Variants in RMDN2 observed in about 807,000 individuals in gnomAD.
RMDN2 encodes regulator of microtubule dynamics 2.
RMDN2 carries 61 observed loss-of-function variants against 52.8 expected under a neutral mutation model. The ratio of observed to expected loss-of-function variants is 1.16; its 90% CI spans 0.94 to 1.43. The LOEUF (loss-of-function observed/expected upper bound fraction) is 1.43. Ranked by LOEUF, RMDN2 falls within the 40% of genes most tolerant of loss-of-function variation. RMDN2 has a pLI of 0.00. For missense variants in RMDN2, 592 were observed against 475.3 expected (o/e 1.25, Z -2.28); for synonymous variants, 180 against 153.1 (o/e 1.18, Z -1.30).
intron 10 of RMDN2, among the ~76,000 whole-genome samples, chr2:38,062,373 T>A (rs1353195646): frequency 6.6e-6 from 1 of 152,236 alleles, no homozygotes; most frequent in Non-Finnish European, 1.5e-5. Context: ...TCCCTTGAGA[T>A]TCATTCAAGT....
intron 10 of RMDN2, among the ~76,000 whole-genome samples, chr2:38,050,998 G>A (rs925858628): frequency 6.6e-6 from 1 of 152,124 alleles, no homozygotes; most frequent in African/African-American, 2.4e-5. Context: ...CCCAACCTCA[G>A]GTGATCCGCC....
At chr2:37,985,927 G>A (rs762513426) in intron 5 of RMDN2, among the ~76,000 whole-genome samples, 2 of 152,034 alleles carry the variant, frequency 1.3e-5, no homozygotes, top group South Asian at 2.1e-4. Flanking sequence ...TATCAATATT[G>A]TATATCAATA....
At chr2:37,952,794 A>G (rs1263941974) in intron 2 of RMDN2, 1 of 152,186 alleles carries the variant, frequency 6.6e-6, no homozygotes, top group Non-Finnish European at 1.5e-5. Context: ...AGATATTTTA[A>G]CTAAGTAATT....
At chr2:38,018,965 A>AC (rs1395100600), downstream of RMDN2, among the ~76,000 whole-genome samples, 1 of 152,066 alleles carries the variant, frequency 6.6e-6, no homozygotes, top group African/African-American at 2.4e-5. Flanking sequence ...AAATTAAGCA[A>AC]CCCCCTAGCC....
intron 10 of RMDN2, among the ~76,000 whole-genome samples, chr2:38,031,441 C>T (rs999828885): frequency 1.3e-5 from 2 of 151,674 alleles, no homozygotes; most frequent in African/African-American, 2.4e-5. Context: ...TCCCAGCCTC[C>T]CCCACCAGTG....
Position 37,967,060 on chromosome 2 carries a change from G to A in RMDN2, c.453-6980G>A, listed in dbSNP as rs76357284. On this transcript the variant is annotated intron_variant, in intron 2 of 10. Coordinates refer to ENST00000354545, the MANE Select transcript of RMDN2 (RefSeq NM_001170791.3). ...CCGAAAGAAATAAGCCAAATGGAGA[G>A]CTCATTTTAAGAAGGGATGAGGTGA... Among the ~76,000 whole-genome samples, 139 of 152,184 alleles carry A rather than the reference G, an allele frequency of 9.1e-4. 2 individuals are homozygous for A. In the East Asian group the frequency reaches 0.023, roughly 25 times the overall value.
intron 2 of RMDN2, among the ~76,000 whole-genome samples, chr2:37,932,141 T>G (rs536384162): frequency 6.6e-6 from 1 of 151,804 alleles, no homozygotes; most frequent in Non-Finnish European, 1.5e-5. Flanking sequence ...AGGACAGTAG[T>G]GGAGGGAAGG....
intron 7 of RMDN2, among the ~76,000 whole-genome samples, chr2:37,996,943 G>A (rs1338660253): frequency 6.6e-6 from 1 of 152,128 alleles, no homozygotes; most frequent in African/African-American, 2.4e-5. Context: ...ACATATCTGA[G>A]ATGCTACCTC....
chr2:37,980,357 G>A (rs1673140204), intron 4 of RMDN2, among the ~76,000 whole-genome samples: 1 of 152,106 alleles, frequency 6.6e-6, no homozygotes, highest in Non-Finnish European at 1.5e-5. Flanking sequence ...AGGCTGGAGT[G>A]CAATGGCGCA....
In RMDN2 at chr2:38,051,454, G is replaced by C. The variant is rs564446490; in HGVS notation, c.1714-15528G>C. Among the ~76,000 whole-genome samples, 3 of 152,170 alleles carry C rather than the reference G, an allele frequency of 2.0e-5. No individual in the cohort carries two copies. In the South Asian group the frequency reaches 6.2e-4, roughly 32 times the overall value. Reference sequence around the variant, plus strand: ...ATTTATGGGGTACATGTGATATTCTGACACATATAAAATATGTAATGATCA... The same window carrying C: ...ATTTATGGGGTACATGTGATATTCTCACACATATAAAATATGTAATGATCA... On this transcript the variant is annotated intron_variant, in intron 10 of 10. Coordinates refer to the RMDN2 transcript ENST00000234195.
intron 10 of RMDN2, among the ~76,000 whole-genome samples, chr2:38,006,040 C>G (rs1347611487): frequency 6.6e-6 from 1 of 152,128 alleles, no homozygotes; most frequent in Non-Finnish European, 1.5e-5. Flanking sequence ...TCTGAGGGCT[C>G]TGTTCTGTTC....
chr2:37,951,289 C>T (rs1317143544), intron 2 of RMDN2: 3 of 1,611,516 alleles, frequency 1.9e-6, no homozygotes, highest in Admixed American at 1.7e-5. Context: ...CAAGTTAGTA[C>T]AGACGCCCAG....
chr2:37,999,124 A>T (rs1675967673), intron 8 of RMDN2, among the ~76,000 whole-genome samples: 1 of 152,210 alleles, frequency 6.6e-6, no homozygotes, highest in African/African-American at 2.4e-5. Flanking sequence ...TTGAGATGCT[A>T]ATGTGCCTGA....
intron 2 of RMDN2, among the ~76,000 whole-genome samples, chr2:37,947,942 T>C (rs911783119): frequency 1.3e-5 from 2 of 152,174 alleles, no homozygotes; most frequent in African/African-American, 4.8e-5. Flanking sequence ...GTCATCTAGG[T>C]ACCAGGAGGG....
downstream of RMDN2, among the ~76,000 whole-genome samples, chr2:38,022,158 A>G (rs911860024): frequency 6.6e-6 from 1 of 152,242 alleles, no homozygotes; most frequent in Admixed American, 6.5e-5. Flanking sequence ...TACTGTGTAG[A>G]TAAAGATGAG....
chr2:37,985,623 TC>T (rs749968411), intron 5 of RMDN2, among the ~76,000 whole-genome samples: 1 of 152,144 alleles, frequency 6.6e-6, no homozygotes, highest in Non-Finnish European at 1.5e-5. Flanking sequence ...CCCAGTGTGT[TC>T]AGTAATTTTG....
intron 4 of RMDN2, among the ~76,000 whole-genome samples, chr2:37,975,715 A>G (rs1424758557): frequency 1.3e-5 from 2 of 152,224 alleles, no homozygotes; most frequent in Non-Finnish European, 1.5e-5. Context: ...AAAAAGATCT[A>G]TAGTAAATCA....
upstream of RMDN2, among the ~76,000 whole-genome samples, chr2:37,921,356 G>A (rs1666027254): frequency 6.6e-6 from 1 of 152,086 alleles, no homozygotes; most frequent in African/African-American, 2.4e-5. Context: ...ATTTTCCTGT[G>A]TTCTAGAGAC....
At chr2:38,009,474 T>C (rs1454382228) in intron 10 of RMDN2, among the ~76,000 whole-genome samples, 1 of 152,238 alleles carries the variant, frequency 6.6e-6, no homozygotes, top group Non-Finnish European at 1.5e-5. Context: ...TTTCCATCAC[T>C]GATACCCTTT....
Sources: allele counts gnomAD v4.1 joint callset (sites outside exome capture counted in the v4.1 genomes callset), GRCh38; gene constraint gnomAD v4.1.1; transcripts MANE v1.5; gene names NCBI Gene and HGNC (gene_info 2026-07-23, HGNC 2026-07-21).